Variants in ARID5B observed in about 807,000 individuals in gnomAD.
The protein encoded by ARID5B is AT-rich interactive domain-containing protein 5B.
In ARID5B, 13 loss-of-function variants were observed where a neutral mutation model predicts 97.2. The ratio of observed to expected loss-of-function variants is 0.13; its 90% CI spans 0.09 to 0.21. The LOEUF (loss-of-function observed/expected upper bound fraction) is 0.21, where lower values mean the gene tolerates loss of function less well. Among genes scored for constraint, ARID5B ranks in the 10% least tolerant of loss-of-function variants. The pLI, the probability that ARID5B is intolerant of heterozygous loss-of-function variation, is 1.00. For synonymous variants in ARID5B, 556 were observed against 570.3 expected (o/e 0.97, Z 0.36); for missense variants, 1,210 against 1,465.3 (o/e 0.83, Z 2.84).
intron 3 of ARID5B, among the ~76,000 whole-genome samples, chr10:61,967,930 A>G (rs1318335178): frequency 2.0e-5 from 3 of 151,944 alleles, no homozygotes; most frequent in Non-Finnish European, 4.4e-5. Context: ...ATAACCATCT[A>G]TTTGTACATT....
chr10:62,069,823 T>A (rs1840039278), intron 8 of ARID5B, 26 bp downstream of exon 8: 1 of 1,607,358 alleles, frequency 6.2e-7, no homozygotes, highest in Non-Finnish European at 8.5e-7. Flanking sequence ...ATGGAATTGC[T>A]TAGTTAAAAG....
chr10:61,926,753 C>T (rs1477118466), intron 2 of ARID5B, among the ~76,000 whole-genome samples: 2 of 152,048 alleles, frequency 1.3e-5, no homozygotes, highest in African/African-American at 2.4e-5. Context: ...GGACTACAGG[C>T]GTGCACCACC....
chr10:62,002,138 A>C (rs1839087682), intron 4 of ARID5B, among the ~76,000 whole-genome samples: 1 of 152,206 alleles, frequency 6.6e-6, no homozygotes, highest in Non-Finnish European at 1.5e-5. Context: ...TGAGGAAAAA[A>C]ATGTTTTAAC....
chr10:62,010,935 T>C (rs1045726951), intron 4 of ARID5B, among the ~76,000 whole-genome samples: 1 of 152,140 alleles, frequency 6.6e-6, no homozygotes, highest in African/African-American at 2.4e-5. Flanking sequence ...GCTCTATGGG[T>C]CAGGAATATA....
At chr10:61,961,977 G>A (rs2132822860) in intron 3 of ARID5B, among the ~76,000 whole-genome samples, 1 of 152,312 alleles carries the variant, frequency 6.6e-6, no homozygotes, top group East Asian at 1.9e-4. Context: ...TCAAACTCCT[G>A]ACCTCAGGTG....
intron 3 of ARID5B, among the ~76,000 whole-genome samples, chr10:61,993,347 A>C (rs1838953463): frequency 6.6e-6 from 1 of 152,226 alleles, no homozygotes; most frequent in Non-Finnish European, 1.5e-5. Context: ...CAACTTTGGA[A>C]TTTTAAACAC....
At chr10:61,914,358 G>C (rs1028724859) in intron 2 of ARID5B, among the ~76,000 whole-genome samples, 18 of 152,320 alleles carry the variant, frequency 1.2e-4, no homozygotes, top group Non-Finnish European at 1.5e-4. Context: ...AGCAGTTAAA[G>C]TGAGTGCCTA....
intron 4 of ARID5B, among the ~76,000 whole-genome samples, chr10:62,002,760 AT>A (rs1297889027): frequency 6.6e-6 from 1 of 152,222 alleles, no homozygotes; most frequent in Non-Finnish European, 1.5e-5. Flanking sequence ...TGTTCCTAAT[AT>A]TAAACACTGC....
chr10:62,047,547 G>A (rs979735201), intron 4 of ARID5B, among the ~76,000 whole-genome samples: 1 of 152,148 alleles, frequency 6.6e-6, no homozygotes, highest in Admixed American at 6.5e-5. Flanking sequence ...CTCACCTAAA[G>A]AACAAGAGCT....
At position 62,095,836 on chromosome 10, in the gene ARID5B, T is replaced by A. The variant is rs1352743711; in HGVS notation, c.*2806T>A. On this transcript the variant is annotated 3_prime_UTR_variant, in exon 10 of 10. Transcript: ENST00000279873. ...TTTCTTTGTGCAATCAAACCATTGT[T>A]ATTGGTAGTTCTGTAAAGGAAACTG... 1 of 230,790 alleles carries A rather than the reference T, an allele frequency of 4.3e-6. No individual in the cohort carries two copies. The highest frequency in any genetic ancestry group is 8.6e-6 in the Non-Finnish European group (1 of 116,298). 14.3% of individuals were successfully genotyped at this position (230,790 alleles called of 1,614,324 possible). A position where few individuals can be genotyped will look rare whatever the true frequency, so the allele number is the denominator to read the frequency against.
At chr10:61,930,102 G>A (rs1176463787) in intron 2 of ARID5B, among the ~76,000 whole-genome samples, 1 of 152,188 alleles carries the variant, frequency 6.6e-6, no homozygotes, top group Non-Finnish European at 1.5e-5. Flanking sequence ...CATAGAGAAT[G>A]ATTTCTTTAA....
chr10:62,000,645 C>T lies in ARID5B; in HGVS notation c.733+324C>T, dbSNP rs536506414. Among the ~76,000 whole-genome samples, 10 of 152,204 alleles carry T rather than the reference C, an allele frequency of 6.6e-5. No homozygotes were observed. Among genetic ancestry groups the T allele is most frequent in the African/African-American group, 1.7e-4 (7 of 41,526 alleles). On this transcript the variant is annotated intron_variant, in intron 4 of 9. Transcript: ENST00000279873. This position sits in a 1 kb window ranked among gnomAD's most constrained non-coding sequence, Gnocchi z 4.4. The stretch of plus-strand genomic sequence containing the variant: ...TCAAAAGGCTTTGTCTATTCAAATG[C>T]TTTTTTATTTAACTAGTCACTCTCT...
At chr10:61,944,967 G>A (rs2132803495) in intron 3 of ARID5B, among the ~76,000 whole-genome samples, 1 of 152,302 alleles carries the variant, frequency 6.6e-6, no homozygotes, top group South Asian at 2.1e-4. Flanking sequence ...TTCAATTTCT[G>A]TTTCTAAATC....
At chr10:62,049,961 G>C (rs896506784) in intron 4 of ARID5B, among the ~76,000 whole-genome samples, 22 of 152,186 alleles carry the variant, frequency 1.4e-4, no homozygotes, top group Non-Finnish European at 2.9e-5. Flanking sequence ...GGGGTGGTTG[G>C]TTAGTTGGTT....
intron 7 of ARID5B, among the ~76,000 whole-genome samples, chr10:62,064,333 C>T (rs1839959129): frequency 6.6e-6 from 1 of 152,180 alleles, no homozygotes; most frequent in South Asian, 2.1e-4. Flanking sequence ...TGAATTCAGT[C>T]CACCCTCAAG....
At position 62,057,105 on chromosome 10, in the gene ARID5B, T is replaced by C; in HGVS notation, c.847-12T>C. The C allele has an allele frequency of 1.2e-6, 2 of 1,613,130 alleles. No individual in the cohort carries two copies. Among genetic ancestry groups the C allele is most frequent in the Non-Finnish European group, 1.7e-6 (2 of 1,179,466 alleles). ...GTGCCTCGTCTGATGTGGTATATTT[T>C]CCCTTTTCCAGGTGAAATGTGAGGC... On this transcript the variant is annotated splice_polypyrimidine_tract_variant and intron_variant, in intron 5 of 9. Transcript: ENST00000279873.
At chr10:61,985,582 C>T (rs527665990) in intron 3 of ARID5B, among the ~76,000 whole-genome samples, 1 of 152,026 alleles carries the variant, frequency 6.6e-6, no homozygotes, top group South Asian at 2.1e-4. Flanking sequence ...ATGAGGTTTC[C>T]TTTTGGGGTG....
intron 2 of ARID5B, among the ~76,000 whole-genome samples, chr10:61,934,954 A>G (rs1844272754): frequency 6.6e-6 from 1 of 151,758 alleles, no homozygotes; most frequent in African/African-American, 2.4e-5. Context: ...CGGAGGTTGC[A>G]GTGAGCCGAG....
chr10:62,080,984 G>A (rs1840206049), intron 8 of ARID5B, among the ~76,000 whole-genome samples: 1 of 151,994 alleles, frequency 6.6e-6, no homozygotes, highest in Non-Finnish European at 1.5e-5. Context: ...CACCATGCCT[G>A]GCTAATTATT....
Sources: gnomAD v4.1 joint callset for allele counts (sites outside exome capture counted in the v4.1 genomes callset) on GRCh38, gnomAD v4.1.1 for gene constraint, Gnocchi (gnomAD v3.1) non-coding constraint, MANE v1.5 for transcripts, NCBI Gene and HGNC (gene_info 2026-07-23, HGNC 2026-07-21) for gene names.